PVT1: variants seen among roughly 807,000 people sequenced by gnomAD.
PVT1 encodes Pvt1 oncogene, also known as CXCR4/PVT1 fusion.
chr8:127,962,769 G>T (rs2129949210), intron 3 of PVT1, among the ~76,000 whole-genome samples: 1 of 152,060 alleles, frequency 6.6e-6, no homozygotes, highest in East Asian at 1.9e-4. Flanking sequence ...GCTAATTTTT[G>T]TATTTTTAGT....
chr8:127,955,588 G>A (rs1418189719), intron 3 of PVT1, among the ~76,000 whole-genome samples: 5 of 147,298 alleles, frequency 3.4e-5, no homozygotes, highest in Non-Finnish European at 6.0e-5. Flanking sequence ...CCCCTCCCCT[G>A]CCCTCCCCTC....
chr8:127,974,616 G>C (rs558924253), intron 3 of PVT1, among the ~76,000 whole-genome samples: 1 of 151,608 alleles, frequency 6.6e-6, no homozygotes, highest in Non-Finnish European at 1.5e-5. Context: ...GGGTTTTACC[G>C]TGTTGGCCAG....
Position 127,825,410 on chromosome 8 carries a change from C to G in PVT1, n.372+29339C>G, listed in dbSNP as rs144612705. ...TCTCATGAAATTGGGTTTCTGAGGCCAGGAAGACTTGGGTCTTGTTGAGGT... is the reference window on the plus strand; with the variant it reads ...TCTCATGAAATTGGGTTTCTGAGGCGAGGAAGACTTGGGTCTTGTTGAGGT... On this transcript the variant is annotated intron_variant and non_coding_transcript_variant, in intron 2 of 10. Transcript: ENST00000651587. Among the ~76,000 whole-genome samples the G allele has an allele frequency of 2.8e-3, 426 of 152,216 alleles. 4 individuals are homozygous for G. Among genetic ancestry groups the G allele is most frequent in the African/African-American group, 9.8e-3 (407 of 41,524 alleles).
intron 3 of PVT1, among the ~76,000 whole-genome samples, chr8:127,917,755 G>T (rs1337237968): frequency 5.9e-5 from 9 of 152,264 alleles, no homozygotes; most frequent in Admixed American, 5.9e-4. Flanking sequence ...CCGTCTTTTG[G>T]CAGAGTCTGC....
chr8:128,039,167 C>T (rs1335094491), intron 4 of PVT1, among the ~76,000 whole-genome samples: 1 of 152,156 alleles, frequency 6.6e-6, no homozygotes, highest in Non-Finnish European at 1.5e-5. Context: ...ATGACTGTTG[C>T]CGTGGGAAAT....
intron 5 of PVT1, among the ~76,000 whole-genome samples, chr8:128,084,737 C>T (rs995832197): frequency 6.6e-6 from 1 of 152,162 alleles, no homozygotes; most frequent in Non-Finnish European, 1.5e-5. Flanking sequence ...GGCCCTGAAA[C>T]CACTTCCCAG....
At chr8:127,861,924 T>C (rs975131405) in intron 2 of PVT1, among the ~76,000 whole-genome samples, 2 of 152,332 alleles carry the variant, frequency 1.3e-5, no homozygotes, top group East Asian at 1.9e-4. Flanking sequence ...AACCTTTTCA[T>C]GTGTCTCTGA....
At chr8:127,823,307 G>A (rs1316046338) in intron 2 of PVT1, among the ~76,000 whole-genome samples, 1 of 152,174 alleles carries the variant, frequency 6.6e-6, no homozygotes, top group African/African-American at 2.4e-5. Context: ...TGGATGCAGA[G>A]CTTTTTAACC....
chr8:127,932,307 G>A (rs552902359), intron 3 of PVT1, among the ~76,000 whole-genome samples: 4 of 152,202 alleles, frequency 2.6e-5, no homozygotes, highest in Admixed American at 2.0e-4. Flanking sequence ...GTCTGCTTTA[G>A]GTTTGATCTC....
chr8:127,985,415 C>T (rs1816958320), intron 3 of PVT1, among the ~76,000 whole-genome samples: 1 of 151,646 alleles, frequency 6.6e-6, no homozygotes, highest in African/African-American at 2.4e-5. Context: ...GTGTGAGCCA[C>T]TGTGCCCGGC....
chr8:127,798,229 G>A (rs896787962), intron 2 of PVT1, among the ~76,000 whole-genome samples: 12 of 151,834 alleles, frequency 7.9e-5, no homozygotes, highest in South Asian at 4.2e-4. Flanking sequence ...GCTTGAACCC[G>A]GGAGGCGGAG....
intron 2 of PVT1, among the ~76,000 whole-genome samples, chr8:127,857,469 T>A (rs1299861790): frequency 1.3e-5 from 2 of 151,974 alleles, no homozygotes; most frequent in Non-Finnish European, 2.9e-5. Flanking sequence ...GTCCAGGAGT[T>A]TGAGACTAGC....
intron 2 of PVT1, among the ~76,000 whole-genome samples, chr8:127,847,670 G>C (rs1244504673): frequency 6.6e-6 from 1 of 152,200 alleles, no homozygotes; most frequent in Non-Finnish European, 1.5e-5. Flanking sequence ...CACAAACACG[G>C]GGAGATCTCA....
At chr8:127,963,152 T>A (rs1481362089) in intron 3 of PVT1, among the ~76,000 whole-genome samples, 1 of 152,144 alleles carries the variant, frequency 6.6e-6, no homozygotes, top group Non-Finnish European at 1.5e-5. Flanking sequence ...TCTTTTCAGT[T>A]CTGAGATCTT....
At chr8:127,995,317 C>G (rs1030713377) in intron 4 of PVT1, among the ~76,000 whole-genome samples, 22 of 152,194 alleles carry the variant, frequency 1.4e-4, no homozygotes, top group African/African-American at 5.1e-4. Flanking sequence ...CATTCTTTGT[C>G]TCTTCCTTGC....
chr8:128,088,781 G>A (rs1197991129), intron 5 of PVT1, among the ~76,000 whole-genome samples: 2 of 152,280 alleles, frequency 1.3e-5, no homozygotes, highest in Admixed American at 6.5e-5. Flanking sequence ...AGAAAAACTC[G>A]TTCTTTCACT....
In PVT1 at chr8:127,987,069, T is replaced by C. The variant is rs187726166; in HGVS notation, n.783-2093T>C. On this transcript the variant is annotated intron_variant and non_coding_transcript_variant, in intron 3 of 10. Coordinates refer to ENST00000651587, the Ensembl canonical transcript of PVT1. The stretch of plus-strand genomic sequence containing the variant: ...AACTTTAGTTTCCACATCTGTAAAA[T>C]GGGAAGAAAGGTTATGTGTCTCCTG... Among the ~76,000 whole-genome samples the C allele has an allele frequency of 2.6e-5, 4 of 152,258 alleles. No homozygotes were observed. In the East Asian group the frequency reaches 7.7e-4, roughly 29 times the overall value.
At chr8:128,006,138 A>ATAC (rs1817244696) in intron 4 of PVT1, among the ~76,000 whole-genome samples, 2 of 141,680 alleles carry the variant, frequency 1.4e-5, no homozygotes, top group African/African-American at 5.3e-5. Flanking sequence ...AATAATAATA[A>ATAC]TAATAATAAT....
rs148559454 is a variant in PVT1, at chr8:128,086,512, G to C, written n.1115-10006G>C. Among the ~76,000 whole-genome samples the C allele has an allele frequency of 3.0e-3, 450 of 152,292 alleles. 2 individuals are homozygous for C. The highest frequency in any genetic ancestry group is 0.014 in the Middle Eastern group (4 of 294). ...CTTAGACCATCAGACACCAGAGCCT[G>C]TACTTATACCCACAGCACTGTACTA... On this transcript the variant is annotated intron_variant and non_coding_transcript_variant, in intron 5 of 10. Transcript: ENST00000651587.
Sources: gnomAD v4.1 joint callset for allele counts (sites outside exome capture counted in the v4.1 genomes callset) on GRCh38, gnomAD v4.1.1 for gene constraint, MANE v1.5 for transcripts, NCBI Gene and HGNC (gene_info 2026-07-23, HGNC 2026-07-21) for gene names.